Variants in ATG2A observed in about 807,000 individuals in gnomAD.
The protein encoded by ATG2A is autophagy-related protein 2 homolog A.
A neutral mutation model predicts 214.2 loss-of-function variants in ATG2A; 103 were observed. That is an observed-to-expected ratio of 0.48 (90% confidence interval 0.41 to 0.57). The LOEUF (loss-of-function observed/expected upper bound fraction) is 0.57, where lower values mean the gene tolerates loss of function less well. Ranked by LOEUF, ATG2A falls within the 20% of genes least tolerant of loss-of-function variation. The probability of loss-of-function intolerance (pLI) is 0.00; values close to 1 mark genes in which losing one functional copy is unlikely to be tolerated. For synonymous variants in ATG2A, 1,160 were observed against 1,142.1 expected, an observed-to-expected ratio of 1.02 and a Z score of -0.32; for missense variants, 2,312 against 2,613.2, an observed-to-expected ratio of 0.88 and a Z score of 2.51.
In ATG2A at chr11:64,895,320, A is replaced by T. The variant is rs1373180579; in HGVS notation, c.5550T>A (p.Gly1850=). The part of the protein sequence containing the change: ...RGQQPADLRE[G]VAKAYDTVRE... ...GCACTGTGTCGTAGGCCTTGGCCAC[A>T]CCCTCCCGCAGGTCGGCAGGCTGCT... Residue 1850 remains glycine (G), a synonymous_variant, in exon 40 of 41, where the codon GGT becomes GGA. Transcript: ENST00000377264. The surrounding 1 kb of genome is among the most constrained non-coding windows in gnomAD (Gnocchi z 5.0). The T allele has an allele frequency of 1.9e-6, 3 of 1,613,158 alleles. No homozygotes were observed. In the African/African-American group the frequency reaches 4.0e-5, roughly 22 times the overall value.
chr11:64,902,745 C>A lies in ATG2A; in HGVS notation c.3613-65G>T. ...GGGGCCACTGCCTGCTGGCCCCACC[C>A]GCTCGCTGGGAGGGCACCGCAGTTC... is the stretch of plus-strand genomic sequence containing the variant. On this transcript the variant is annotated intron_variant, in intron 26 of 40. Transcript: ENST00000377264. 5 of 1,470,346 alleles carry A rather than the reference C, an allele frequency of 3.4e-6. No individual in the cohort carries two copies. The East Asian group carries it at 9.3e-5, about 27-fold the overall frequency. The allele number at this position is 1,470,346 out of a possible 1,614,324, so 91.1% of individuals were successfully genotyped here.
In ATG2A at chr11:64,902,400, G is replaced by T. The variant is rs749606097; in HGVS notation, c.3778-14C>A. On this transcript the variant is annotated splice_polypyrimidine_tract_variant and intron_variant, in intron 27 of 40. Transcript: ENST00000377264. ...ACTCTCCGAGAGCTGGGCCAGGCAG[G>T]GGAGGAGCAATGAGTGAGACAGGAC... 1 of 1,551,096 alleles carries T rather than the reference G, an allele frequency of 6.4e-7. No individual in the cohort carries two copies. Among genetic ancestry groups the T allele is most frequent in the Non-Finnish European group, 8.7e-7 (1 of 1,147,676 alleles).
rs755131312 is a variant in ATG2A at position 64,909,097 on chromosome 11, G to A, written c.2258C>T (p.Pro753Leu). The A allele has an allele frequency of 5.0e-6, 8 of 1,612,902 alleles. No individual in the cohort carries two copies. Among genetic ancestry groups the A allele is most frequent in the Non-Finnish European group, 5.9e-6 (7 of 1,179,824 alleles). ...QSSSTQWEVAPEKGEELELSV... is the reference protein window; with the variant it reads ...QSSSTQWEVALEKGEELELSV... ...CAGCTCCAGTTCCTCTCCCTTCTCC[G>A]GGGCCACCTCCCACTGTGTGCTGCT... Residue 753 changes from proline to leucine, a missense_variant, in exon 16 of 41, where the codon CCG (proline) becomes CTG (leucine). By Grantham distance (98) the Pro-to-Leu change is moderately conservative (BLOSUM62 -3). Transcript: ENST00000377264.
intron 29 of ATG2A, 120 bp downstream of exon 29, chr11:64,901,842 C>T (rs1565746179): frequency 3.4e-6 from 4 of 1,193,630 alleles, no homozygotes; most frequent in Non-Finnish European, 3.6e-6. Flanking sequence ...CAACCACCTC[C>T]TGCCTGCTTC....
rs1236193621 is a variant in ATG2A, at chr11:64,907,875, C to T, written c.2380G>A (p.Asp794Asn). ...TGGAACGTCCTCATCTCCTCAGGGT[C>T]TCCAGGGATCACCATCTGGACAGGG... Reference protein sequence around the residue: ...YETEEMVIPGDPEEMRTFQSR... With the variant: ...YETEEMVIPGNPEEMRTFQSR... Residue 794 changes from aspartate to asparagine, a missense_variant, in exon 17 of 41, where the codon GAC becomes AAC. Coordinates refer to ENST00000377264, the MANE Select transcript of ATG2A (RefSeq NM_015104.3). The T allele has an allele frequency of 6.2e-7, 1 of 1,612,386 alleles. No individual in the cohort carries two copies. The highest frequency in any genetic ancestry group is 2.2e-5 in the East Asian group (1 of 44,878).
rs1490504354 is a variant in ATG2A, at chr11:64,903,982, A to G, written c.3465-322T>C. ...TTATTTTTGGCTGGCGCGGTGGCTC[A>G]CGCCTGTAATCCCAGCACTTGGAGA... On this transcript the variant is annotated intron_variant, in intron 24 of 40. Transcript: ENST00000377264. This position sits in a 1 kb window ranked among gnomAD's most constrained non-coding sequence, Gnocchi z 4.2. Among the ~76,000 whole-genome samples, 1 of 152,208 alleles carries G rather than the reference A, an allele frequency of 6.6e-6. No homozygotes were observed. The highest frequency in any genetic ancestry group is 2.4e-5 in the African/African-American group (1 of 41,450).
Position 64,902,257 on chromosome 11 carries a change from C to T in ATG2A, c.3904+3G>A. 1 of 1,613,274 alleles carries T rather than the reference C, an allele frequency of 6.2e-7. No homozygotes were observed. The highest frequency in any genetic ancestry group is 1.1e-5 in the South Asian group (1 of 91,068). On this transcript the variant is annotated splice_donor_region_variant and intron_variant, in intron 28 of 40. Coordinates refer to ENST00000377264, the MANE Select transcript of ATG2A (RefSeq NM_015104.3). ...TGCTGTCCCCACAGCACCCCCACTT[C>T]ACCTGAAGGCTGGGCCAGCTCCCGT...
chr11:64,907,173 C>G, intron 19 of ATG2A, 82 bp downstream of exon 19: 1 of 1,415,880 alleles, frequency 7.1e-7, no homozygotes, highest in African/African-American at 1.4e-5. Flanking sequence ...CATTCTTGAC[C>G]TGGAGCTGCT....
At position 64,907,782 on chromosome 11, in the gene ATG2A, G is replaced by C. The variant is rs1274363634; in HGVS notation, c.2473C>G (p.Pro825Ala). 6 of 1,613,546 alleles carry C rather than the reference G, an allele frequency of 3.7e-6. No homozygotes were observed. In the Admixed American group the frequency reaches 1.0e-4, roughly 27 times the overall value. ...ATGCTCTCGTAGACCTCCTTGCTGG[G>C]CAGAAAGATGTGGACACTGGGCAGG... ...VILPSVHIFL[P>A]SKEVYESIYN... Residue 825 changes from proline (P) to alanine (A), a missense_variant, in exon 17 of 41, where the codon CCC becomes GCC. Coordinates refer to ENST00000377264, the MANE Select transcript of ATG2A (RefSeq NM_015104.3).
chr11:64,916,911 G>A, intron 1 of ATG2A, 54 bp downstream of exon 1: 10 of 1,599,672 alleles, frequency 6.3e-6, no homozygotes, highest in Non-Finnish European at 8.5e-6. Flanking sequence ...GGGAGCCTCA[G>A]GTCGCTGCGC....
At position 64,900,500 on chromosome 11, in the gene ATG2A, C is replaced by T; in HGVS notation, c.4458G>A (p.Leu1486=). 6.2e-7 allele frequency: 1 copy of T among 1,613,570 alleles called. No individual in the cohort carries two copies. Among genetic ancestry groups the T allele is most frequent in the Non-Finnish European group, 8.5e-7 (1 of 1,180,032 alleles). ...CACTCGCCACCCCACTCACCTTGCT[C>T]AGCTGGATCTCCATGAGGACATGGT... is the stretch of plus-strand genomic sequence containing the variant. ...RQHHVLMEIQ[L]SKVSFQHEVY... is the part of the protein sequence containing the mutation. Residue 1486 remains leucine (L), a synonymous_variant, in exon 31 of 41, where the codon CTG becomes CTA. Transcript: ENST00000377264.
At chr11:64,916,861 C>A in intron 1 of ATG2A, 104 bp downstream of exon 1, 2 of 1,502,812 alleles carry the variant, frequency 1.3e-6, no homozygotes, top group Non-Finnish European at 1.8e-6. Flanking sequence ...CCTGGCCTCT[C>A]TACGCCCGGT....
intron 1 of ATG2A, among the ~76,000 whole-genome samples, chr11:64,915,537 G>A (rs113914069): frequency 0.012 from 1,801 of 152,200 alleles, 38 homozygotes; most frequent in African/African-American, 0.041. Flanking sequence ...CCTTCAAGGC[G>A]GGGCCTGCAG....
rs774668473 is a variant in ATG2A at position 64,912,150 on chromosome 11, C to G, written c.1022G>C (p.Gly341Ala). 6.2e-7 allele frequency: 1 copy of G among 1,613,904 alleles called. No homozygotes were observed. Among genetic ancestry groups the G allele is most frequent in the Non-Finnish European group, 8.5e-7 (1 of 1,180,032 alleles). Residue 341 changes from glycine (G) to alanine (A), a missense_variant, in exon 8 of 41, where the codon GGG becomes GCG. Coordinates refer to ENST00000377264, the MANE Select transcript of ATG2A (RefSeq NM_015104.3). ...TGGGCTGAGGGGCTCAGCCACTGCC[C>G]CTGCCTGCAGCTGCTGGTTCAGGTC... The part of the protein sequence containing the change: ...EQDLNQQLQA[G>A]AVAEPLSPDP...
chr11:64,895,559 G>T lies in ATG2A; in HGVS notation c.5428-117C>A. 2.5e-6 allele frequency: 3 copies of T among 1,197,826 alleles called. No homozygotes were observed. The highest frequency in any genetic ancestry group is 2.3e-6 in the Non-Finnish European group (2 of 883,114). The allele number at this position is 1,197,826 out of a possible 1,614,324, so 74.2% of individuals were successfully genotyped here. A position where few individuals can be genotyped will look rare whatever the true frequency, so the allele number is the denominator to read the frequency against. On this transcript the variant is annotated intron_variant, in intron 39 of 40. Transcript: ENST00000377264. This position sits in a 1 kb window ranked among gnomAD's most constrained non-coding sequence, Gnocchi z 5.0. ...CAGCCTCCCTGCCTGTCACTGTGCT[G>T]GCCTAGGGGGTCCTGCTCAGCCTCA...
At position 64,911,836 on chromosome 11, in the gene ATG2A, A is replaced by T. The variant is rs1944784000; in HGVS notation, c.1228+6T>A. Reference sequence around the variant, plus strand: ...CCTGGAGTACCCCCAGGGTGCTCCAACTCACCAGCTGGGTGGGCCTGGGCA... The same window carrying T: ...CCTGGAGTACCCCCAGGGTGCTCCATCTCACCAGCTGGGTGGGCCTGGGCA... On this transcript the variant is annotated splice_donor_region_variant and intron_variant, in intron 9 of 40. Transcript: ENST00000377264. 5 of 1,612,278 alleles carry T rather than the reference A, an allele frequency of 3.1e-6. No homozygotes were observed. The highest frequency in any genetic ancestry group is 4.2e-6 in the Non-Finnish European group (5 of 1,179,854).
Position 64,903,722 on chromosome 11 carries a change from C to G in ATG2A, c.3465-62G>C, listed in dbSNP as rs2136574888. ...GCTGCAGGGGGCAGCTCCACGGGAGCCGAGCAGAGGGGTCCCAAGCCCACA... is the reference window on the plus strand; with the variant it reads ...GCTGCAGGGGGCAGCTCCACGGGAGGCGAGCAGAGGGGTCCCAAGCCCACA... On this transcript the variant is annotated intron_variant, in intron 24 of 40. Transcript: ENST00000377264. The surrounding 1 kb of genome is among the most constrained non-coding windows in gnomAD (Gnocchi z 4.2). 6.7e-7 allele frequency: 1 copy of G among 1,491,822 alleles called. No homozygotes were observed. Among genetic ancestry groups the G allele is most frequent in the Admixed American group, 2.1e-5 (1 of 48,120 alleles). 92.4% of individuals were successfully genotyped at this position (1,491,822 alleles called of 1,614,324 possible). A position where few individuals can be genotyped will look rare whatever the true frequency, so the allele number is the denominator to read the frequency against.
intron 7 of ATG2A, 22 bp downstream of exon 7, chr11:64,912,305 C>A: frequency 6.2e-7 from 1 of 1,609,050 alleles, no homozygotes; most frequent in Admixed American, 1.7e-5. Flanking sequence ...CACCCCACCC[C>A]CATGCCACCC....
chr11:64,913,794 G>A lies in ATG2A; in HGVS notation c.590+27C>T. On this transcript the variant is annotated intron_variant, in intron 4 of 40. Transcript: ENST00000377264. This position sits in a 1 kb window ranked among gnomAD's most constrained non-coding sequence, Gnocchi z 4.3. ...GCCCCCACTCCCCATCTTCACACCA[G>A]TCCACCCCAGATCGGCCTGCCCTTA... 6.2e-7 allele frequency: 1 copy of A among 1,604,930 alleles called. No individual in the cohort carries two copies. The highest frequency in any genetic ancestry group is 8.5e-7 in the Non-Finnish European group (1 of 1,175,464).
Sources: gnomAD v4.1 joint callset for allele counts (sites outside exome capture counted in the v4.1 genomes callset) on GRCh38, gnomAD v4.1.1 for gene constraint, Gnocchi (gnomAD v3.1) non-coding constraint, MANE v1.5 for transcripts, NCBI Gene and HGNC (gene_info 2026-07-23, HGNC 2026-07-21) for gene names.